The following GNG2 variants were observed in gnomAD, a reference collection of about 807,000 sequenced individuals.
GNG2 encodes guanine nucleotide-binding protein G(I)/G(S)/G(O) subunit gamma-2.
GNG2 carries 5 observed loss-of-function variants against 5.5 expected under a neutral mutation model. That is an observed-to-expected ratio of 0.91 (90% CI 0.48 to 1.92). The LOEUF is 1.92. Ranked by LOEUF, GNG2 falls within the 30% of genes most tolerant of loss-of-function variation. The probability of loss-of-function intolerance (pLI) is 0.01; values close to 1 mark genes in which losing one functional copy is unlikely to be tolerated. For synonymous variants in GNG2, 28 were observed against 32.0 expected, an observed-to-expected ratio of 0.88 and a Z score of 0.42; for missense variants, 55 against 88.4, an observed-to-expected ratio of 0.62 and a Z score of 1.52.
chr14:51,826,872 G>C (rs750407336), intron 1 of GNG2, among the ~76,000 whole-genome samples: 19 of 152,348 alleles, frequency 1.2e-4, no homozygotes, highest in Middle Eastern at 3.4e-3. Flanking sequence ...AATAAGCACA[G>C]CTGGGATTAG....
chr14:51,865,455 T>C (rs1246669320), intron 1 of GNG2, among the ~76,000 whole-genome samples: 1 of 152,164 alleles, frequency 6.6e-6, no homozygotes, highest in African/African-American at 2.4e-5. Flanking sequence ...ATTAAAAATA[T>C]AATAAAAAAT....
intron 2 of GNG2, among the ~76,000 whole-genome samples, chr14:51,918,313 T>TGG (rs1886779425): frequency 6.6e-6 from 1 of 152,180 alleles, no homozygotes; most frequent in Non-Finnish European, 1.5e-5. Context: ...TTTTGCTTCC[T>TGG]GGTTGTCCTC....
rs142124120 is a variant in GNG2, at chr14:51,906,127, A to C, written c.-30+28470A>C. 5.9e-3 allele frequency among the ~76,000 whole-genome samples: 899 copies of C among 152,370 alleles called. 10 individuals carry two copies. The highest frequency in any genetic ancestry group is 0.021 in the African/African-American group (865 of 41,592). On this transcript the variant is annotated intron_variant, in intron 2 of 3. Transcript: ENST00000556766. ...GACTATTGCTATCACTTTATTGCAC[A>C]GAAGTTGCTAGAATCTGGGCTTCCC...
exon 2 of GNG2, chr14:51,827,707 G>A (rs1395162540): frequency 2.8e-6 from 2 of 702,294 alleles, no homozygotes; most frequent in Admixed American, 2.0e-5. Context: ...GGAGCTGGGT[G>A]ATTCCTGAGC....
intron 2 of GNG2, among the ~76,000 whole-genome samples, chr14:51,913,886 CAT>C (rs1213240597): frequency 6.6e-6 from 1 of 152,162 alleles, no homozygotes; most frequent in Non-Finnish European, 1.5e-5. Flanking sequence ...ATAATTTATG[CAT>C]ATGTTGCATA....
intron 2 of GNG2, among the ~76,000 whole-genome samples, chr14:51,838,819 G>C (rs1208919201): frequency 1.3e-5 from 2 of 152,162 alleles, no homozygotes; most frequent in African/African-American, 4.8e-5. Context: ...TGAGAGGATT[G>C]GTTGAGCCTG....
intron 1 of GNG2, among the ~76,000 whole-genome samples, chr14:51,826,404 CGTT>C (rs1881030715): frequency 6.6e-6 from 1 of 152,084 alleles, no homozygotes; most frequent in African/African-American, 2.4e-5. Flanking sequence ...TATTTAAAGT[CGTT>C]GGAGGATGTG....
chr14:51,940,653 T>C (rs948133128), intron 2 of GNG2, among the ~76,000 whole-genome samples: 5 of 152,128 alleles, frequency 3.3e-5, no homozygotes, highest in Admixed American at 3.3e-4. Flanking sequence ...CCAACCCAGA[T>C]CCTCCGGGGC....
chr14:51,966,852 A>C lies in GNG2; in HGVS notation c.*165A>C. The C allele has an allele frequency of 1.9e-6, 1 of 533,770 alleles. No homozygotes were observed. 33.1% of individuals were successfully genotyped at this position (533,770 alleles called of 1,614,324 possible). ...TAAAGATCTGGTCCCCTTTATGAGAATGCAAGCCGATCCACATCCTGACTT... is the reference window on the plus strand; with the variant it reads ...TAAAGATCTGGTCCCCTTTATGAGACTGCAAGCCGATCCACATCCTGACTT... On this transcript the variant is annotated 3_prime_UTR_variant, in exon 4 of 4. Coordinates refer to ENST00000556766, the MANE Select transcript of GNG2 (RefSeq NM_053064.5).
At chr14:51,906,757 CTTTT>C (rs34240079) in intron 2 of GNG2, among the ~76,000 whole-genome samples, 1 of 105,306 alleles carries the variant, frequency 9.5e-6, no homozygotes. Flanking sequence ...TGGAGAATCT[CTTTT>C]TTTTTTTTTT....
chr14:51,934,887 A>G (rs974682186), intron 2 of GNG2, among the ~76,000 whole-genome samples: 1 of 152,228 alleles, frequency 6.6e-6, no homozygotes, highest in African/African-American at 2.4e-5. Context: ...AACCTATTTT[A>G]TTAAAGTGCA....
chr14:51,911,545 C>CTTT (rs200362776), intron 2 of GNG2, among the ~76,000 whole-genome samples: 6 of 142,986 alleles, frequency 4.2e-5, no homozygotes, highest in Non-Finnish European at 7.7e-5. Context: ...ATAATGATAG[C>CTTT]TTTTTTTTTT....
intron 2 of GNG2, among the ~76,000 whole-genome samples, chr14:51,929,686 A>G (rs1887540311): frequency 6.6e-6 from 1 of 152,296 alleles, no homozygotes; most frequent in Admixed American, 6.5e-5. Context: ...TCATGACATT[A>G]CAGTATTTTT....
chr14:51,884,013 C>T (rs1487441712), intron 2 of GNG2, among the ~76,000 whole-genome samples: 2 of 151,596 alleles, frequency 1.3e-5, no homozygotes, highest in African/African-American at 4.8e-5. Context: ...CGTTTTTTTC[C>T]CACCAACTTG....
chr14:51,892,425 C>A (rs1295415304), intron 2 of GNG2, among the ~76,000 whole-genome samples: 1 of 151,904 alleles, frequency 6.6e-6, no homozygotes, highest in Non-Finnish European at 1.5e-5. Flanking sequence ...GGTTCTCCTG[C>A]CTCTGCTGGG....
chr14:51,898,615 C>T (rs541216565), intron 2 of GNG2, among the ~76,000 whole-genome samples: 2 of 152,314 alleles, frequency 1.3e-5, no homozygotes, highest in East Asian at 3.9e-4. Context: ...AGGGAAGGCT[C>T]TTTGTCTGAA....
In GNG2 at chr14:51,844,274, G is replaced by A. The variant is rs1000436927; in HGVS notation, c.64+16467G>A. 5.9e-5 allele frequency among the ~76,000 whole-genome samples: 9 copies of A among 152,214 alleles called. 1 individual carries two copies. The South Asian group carries it at 1.2e-3, about 21-fold the overall frequency. On this transcript the variant is annotated intron_variant, in intron 2 of 3. Transcript: ENST00000553432. The stretch of plus-strand genomic sequence containing the variant: ...GATTCTCTGTCATAACTCATAAGTC[G>A]TCACTTGTGTTTATTAAAACAATCT...
intron 2 of GNG2, among the ~76,000 whole-genome samples, chr14:51,845,707 T>C (rs1167982186): frequency 2.0e-5 from 3 of 152,038 alleles, no homozygotes; most frequent in Non-Finnish European, 4.4e-5. Context: ...CCCCGAGAAG[T>C]CCCATGGTAA....
chr14:51,936,417 C>A (rs549737992), intron 2 of GNG2, among the ~76,000 whole-genome samples: 4 of 151,808 alleles, frequency 2.6e-5, no homozygotes, highest in Non-Finnish European at 5.9e-5. Context: ...AGGTGAGCAG[C>A]AGAGGTGGCT....
Sources: allele counts gnomAD v4.1 joint callset (sites outside exome capture counted in the v4.1 genomes callset), GRCh38; gene constraint gnomAD v4.1.1; transcripts MANE v1.5; gene names NCBI Gene and HGNC (gene_info 2026-07-23, HGNC 2026-07-21).